Variants in NOVA1 observed in about 807,000 individuals in gnomAD.
NOVA1 encodes NOVA alternative splicing regulator 1.
Under a neutral mutation model 38.0 loss-of-function variants are expected in NOVA1, and 7 were observed. The ratio of observed to expected loss-of-function variants is 0.18; its 90% CI spans 0.10 to 0.35. The LOEUF (loss-of-function observed/expected upper bound fraction) is 0.35. Among genes scored for constraint, NOVA1 ranks in the 10% least tolerant of loss-of-function variants. The pLI is 1.00. For missense variants in NOVA1, 460 were observed against 616.0 expected (o/e 0.75, Z 2.68); for synonymous variants, 270 against 232.5 (o/e 1.16, Z -1.47).
intron 2 of NOVA1, among the ~76,000 whole-genome samples, chr14:26,551,623 G>A (rs1227819275): frequency 6.6e-6 from 1 of 151,930 alleles, no homozygotes; most frequent in Non-Finnish European, 1.5e-5. Context: ...TTGGAATAGA[G>A]TCAGATATAA....
chr14:26,443,872 T>A lies in NOVA1; in HGVS notation c.*4087A>T, dbSNP rs1240781694. 6.6e-6 allele frequency: 1 copy of A among 151,944 alleles called. No individual in the cohort carries two copies. Among genetic ancestry groups the A allele is most frequent in the Non-Finnish European group, 1.5e-5 (1 of 67,934 alleles). 9.4% of individuals were successfully genotyped at this position (151,944 alleles called of 1,614,324 possible). On this transcript the variant is annotated 3_prime_UTR_variant, in exon 5 of 5. Transcript: ENST00000539517. ...CCATGCTTGCCCTGTATTTAATGAG[T>A]GATGAATATTTCTCCTACTAACAGA...
Position 26,444,469 on chromosome 14 carries a change from T to C in NOVA1, c.*3490A>G, listed in dbSNP as rs1162157504. 3 of 152,144 alleles carry C rather than the reference T, an allele frequency of 2.0e-5. No individual in the cohort carries two copies. Among genetic ancestry groups the C allele is most frequent in the South Asian group, 2.1e-4 (1 of 4,822 alleles). The allele number at this position is 152,144 out of a possible 1,614,324, so 9.4% of individuals were successfully genotyped here. On this transcript the variant is annotated 3_prime_UTR_variant, in exon 5 of 5. Transcript: ENST00000539517. ...ACTGTGCAGGTAGGCTTGTGCATGG[T>C]GGTGTGGCAATATCATTTTAAAAGT...
At chr14:26,583,240 A>C (rs1172857143) in intron 2 of NOVA1, among the ~76,000 whole-genome samples, 3 of 151,684 alleles carry the variant, frequency 2.0e-5, no homozygotes, top group African/African-American at 7.2e-5. Flanking sequence ...AAATAATTCA[A>C]AATTTCTTCA....
rs1002036063 is a variant in NOVA1 at position 26,446,003 on chromosome 14, T to C, written c.*1956A>G. On this transcript the variant is annotated 3_prime_UTR_variant, in exon 5 of 5. Coordinates refer to ENST00000539517, the MANE Select transcript of NOVA1 (RefSeq NM_002515.3). ...TGTCAAAACTTACACAGCTACAGAGTATCGACGATAAATAGTCATTACCAA... is the reference window on the plus strand; with the variant it reads ...TGTCAAAACTTACACAGCTACAGAGCATCGACGATAAATAGTCATTACCAA... The C allele has an allele frequency of 1.3e-5, 2 of 152,546 alleles. No homozygotes were observed. Among genetic ancestry groups the C allele is most frequent in the Non-Finnish European group, 2.9e-5 (2 of 68,022 alleles). The allele number at this position is 152,546 out of a possible 1,614,324, so 9.4% of individuals were successfully genotyped here. A position where few individuals can be genotyped will look rare whatever the true frequency, so the allele number is the denominator to read the frequency against.
intron 3 of NOVA1, among the ~76,000 whole-genome samples, chr14:26,477,972 A>C (rs1454893309): frequency 6.6e-6 from 1 of 152,034 alleles, no homozygotes; most frequent in Non-Finnish European, 1.5e-5. Context: ...CTTTTAAATG[A>C]TACACTGTCA....
At chr14:26,497,877 G>A (rs2138389998) in intron 2 of NOVA1, among the ~76,000 whole-genome samples, 1 of 152,106 alleles carries the variant, frequency 6.6e-6, no homozygotes, top group African/African-American at 2.4e-5. Flanking sequence ...TACCAGGAAT[G>A]GCATCTACTA....
chr14:26,519,940 G>A (rs137907842), intron 2 of NOVA1, among the ~76,000 whole-genome samples: 4 of 152,194 alleles, frequency 2.6e-5, no homozygotes, highest in African/African-American at 7.2e-5. Flanking sequence ...TGATATACAC[G>A]TGCAGTTGGT....
chr14:26,597,500 CTTTTTTCTTTTTTTTT>C lies in NOVA1; in HGVS notation c.-80_-65del. 2.4e-6 allele frequency: 2 copies of C among 850,762 alleles called. No homozygotes were observed. Among genetic ancestry groups the C allele is most frequent in the Non-Finnish European group, 2.8e-6 (2 of 702,822 alleles). 52.7% of individuals were successfully genotyped at this position (850,762 alleles called of 1,614,324 possible). On this transcript the variant is annotated 5_prime_UTR_variant, in exon 1 of 5. Coordinates refer to ENST00000539517, the MANE Select transcript of NOVA1 (RefSeq NM_002515.3). ...CCCTTTTGTTTTGGCTTTTTCTTTT[CTTTTTTCTTTTTTTTT>C]TTTTTTTTTTTTTGCGTTTGGGGTT...
At chr14:26,483,442 T>C (rs1341100047) in intron 2 of NOVA1, among the ~76,000 whole-genome samples, 1 of 152,218 alleles carries the variant, frequency 6.6e-6, no homozygotes. Flanking sequence ...AGAAAATTAC[T>C]CTTTTGCAAA....
At chr14:26,596,153 T>C in intron 1 of NOVA1, 1 of 235,822 alleles carries the variant, frequency 4.2e-6, no homozygotes, top group Non-Finnish European at 8.5e-6. Context: ...CTCAGTGTGG[T>C]GGACTGGCAA....
intron 2 of NOVA1, among the ~76,000 whole-genome samples, chr14:26,559,734 G>A (rs1891705724): frequency 1.3e-5 from 2 of 152,122 alleles, no homozygotes. Context: ...TCAGAGGCTG[G>A]GAAGGGTTGA....
chr14:26,556,121 C>T (rs1377906768), intron 2 of NOVA1, among the ~76,000 whole-genome samples: 1 of 152,012 alleles, frequency 6.6e-6, no homozygotes, highest in African/African-American at 2.4e-5. Context: ...ATCAAAAGTC[C>T]AGTGAGTTAT....
At chr14:26,519,673 TG>T (rs1222993963) in intron 2 of NOVA1, 1 of 152,182 alleles carries the variant, frequency 6.6e-6, no homozygotes, top group Non-Finnish European at 1.5e-5. Context: ...TACTTTGAAT[TG>T]TTTTTTTGGT....
chr14:26,533,667 G>A (rs928985290), intron 2 of NOVA1, among the ~76,000 whole-genome samples: 4 of 152,152 alleles, frequency 2.6e-5, no homozygotes, highest in Admixed American at 6.5e-5. Context: ...CTGTTTAGAT[G>A]TTAATTTCTT....
chr14:26,585,990 A>G (rs1042567614), intron 2 of NOVA1, among the ~76,000 whole-genome samples: 1 of 151,426 alleles, frequency 6.6e-6, no homozygotes, highest in African/African-American at 2.4e-5. Flanking sequence ...GAAATCTCAA[A>G]TGGTTCATTC....
At chr14:26,527,489 A>AAAAAC (rs1253420787) in intron 2 of NOVA1, among the ~76,000 whole-genome samples, 1 of 152,088 alleles carries the variant, frequency 6.6e-6, no homozygotes, top group Non-Finnish European at 1.5e-5. Flanking sequence ...GGATACCGCC[A>AAAAAC]AAAACAAAAC....
chr14:26,569,096 TAACA>T lies in NOVA1; in HGVS notation c.280+26310_280+26313del, dbSNP rs1427158776. On this transcript the variant is annotated intron_variant, in intron 2 of 4. Coordinates refer to ENST00000539517, the MANE Select transcript of NOVA1 (RefSeq NM_002515.3). ...CCTCAGGTAAATTGCTAAGAAAACT[TAACA>T]AACATTCACCAAACACACAAGGAAG... 1.3e-3 allele frequency among the ~76,000 whole-genome samples: 200 copies of T among 152,216 alleles called. 1 individual carries two copies. The highest frequency in any genetic ancestry group is 8.5e-4 in the Admixed American group (13 of 15,286).
chr14:26,583,183 A>C (rs142563266), intron 2 of NOVA1, among the ~76,000 whole-genome samples: 69 of 151,886 alleles, frequency 4.5e-4, no homozygotes, highest in African/African-American at 1.6e-3. Context: ...TATCATTTTA[A>C]AGGCAGAAAC....
chr14:26,579,985 C>G (rs1463868710), intron 2 of NOVA1, among the ~76,000 whole-genome samples: 1 of 151,824 alleles, frequency 6.6e-6, no homozygotes, highest in East Asian at 1.9e-4. Flanking sequence ...TTCCCAAACT[C>G]CTGGGTTCAA....
Sources: allele counts gnomAD v4.1 joint callset (sites outside exome capture counted in the v4.1 genomes callset), GRCh38; gene constraint gnomAD v4.1.1; transcripts MANE v1.5; gene names NCBI Gene and HGNC (gene_info 2026-07-23, HGNC 2026-07-21).